DPYSL4: variants seen among roughly 807,000 people sequenced by gnomAD.
DPYSL4 encodes the protein dihydropyrimidinase-related protein 4.
A neutral mutation model predicts 63.4 loss-of-function variants in DPYSL4; 43 were observed. The observed-to-expected ratio is 0.68, with a 90% CI of 0.53 to 0.88. The LOEUF is 0.88. Ranked by LOEUF, DPYSL4 falls within the 40% of genes least tolerant of loss-of-function variation. The pLI, the probability that DPYSL4 is intolerant of heterozygous loss-of-function variation, is 0.00. For synonymous variants in DPYSL4, 353 were observed against 331.7 expected, an observed-to-expected ratio of 1.06 and a Z score of -0.70; for missense variants, 733 against 819.5, an observed-to-expected ratio of 0.89 and a Z score of 1.29.
chr10:132,187,529 C>T (rs986466286), intron 1 of DPYSL4, among the ~76,000 whole-genome samples: 4 of 152,114 alleles, frequency 2.6e-5, no homozygotes, highest in Non-Finnish European at 5.9e-5. Flanking sequence ...TTTGTTGGCC[C>T]GGGCTGGTCC....
At chr10:132,190,679 G>A in intron 1 of DPYSL4, 68 bp from the exon 2 acceptor site, 1 of 1,436,978 alleles carries the variant, frequency 7.0e-7, no homozygotes. Context: ...TCAGAGGAAG[G>A]AGTTGCACCA....
At chr10:132,198,754 G>A in intron 7 of DPYSL4, 97 bp from the exon 8 acceptor site, 1 of 1,538,692 alleles carries the variant, frequency 6.5e-7, no homozygotes, top group Non-Finnish European at 8.8e-7. Context: ...CCCTGAGCCT[G>A]GGATCCCATG....
intron 4 of DPYSL4, 51 bp from the exon 5 acceptor site, chr10:132,196,810 A>G: frequency 6.3e-7 from 1 of 1,599,826 alleles, no homozygotes; most frequent in Non-Finnish European, 8.6e-7. Context: ...GAGGCTCCGT[A>G]GGTTGTCTGA....
chr10:132,187,008 C>CCCCCCCCCCT lies in DPYSL4; in HGVS notation c.-56_-55insCCCCCCCCCT. On this transcript the variant is annotated 5_prime_UTR_variant, in exon 1 of 14. Transcript: ENST00000338492. ...CGGCTCACGCGTCCCCCCGCCCGCC[C>CCCCCCCCCCT]GCCCGCCCGCCCGCCCCCGCTTGTG... The CCCCCCCCCCT allele has an allele frequency of 7.5e-6, 1 of 133,028 alleles. No individual in the cohort carries two copies. Among genetic ancestry groups the CCCCCCCCCCT allele is most frequent in the Non-Finnish European group, 1.3e-5 (1 of 78,700 alleles). The allele number at this position is 133,028 out of a possible 1,614,324, so 8.2% of individuals were successfully genotyped here. A position where few individuals can be genotyped will look rare whatever the true frequency, so the allele number is the denominator to read the frequency against.
chr10:132,190,622 C>A, intron 1 of DPYSL4, 125 bp from the exon 2 acceptor site: 1 of 856,548 alleles, frequency 1.2e-6, no homozygotes, highest in Non-Finnish European at 1.8e-6. Flanking sequence ...GGCTTTTGTG[C>A]TCGTTTTTAC....
intron 1 of DPYSL4, among the ~76,000 whole-genome samples, chr10:132,187,706 G>C (rs1306712702): frequency 6.6e-6 from 1 of 152,228 alleles, no homozygotes; most frequent in African/African-American, 2.4e-5. Flanking sequence ...TGGGTTCAGC[G>C]ACTCCAAGGA....
chr10:132,204,739 T>C (rs996724719), intron 13 of DPYSL4, 100 bp from the exon 14 acceptor site: 10 of 1,067,744 alleles, frequency 9.4e-6, no homozygotes, highest in Non-Finnish European at 1.2e-5. Flanking sequence ...TCTGCAGTCC[T>C]GGCCCCACTG....
intron 11 of DPYSL4, among the ~76,000 whole-genome samples, 200 bp from the exon 12 acceptor site, chr10:132,202,446 T>G (rs1038701047): frequency 6.6e-6 from 1 of 152,210 alleles, no homozygotes; most frequent in Admixed American, 6.5e-5. Flanking sequence ...GAAACGGGAC[T>G]CAGAAACGAG....
chr10:132,201,691 A>G (rs1032463085), intron 10 of DPYSL4, among the ~76,000 whole-genome samples: 6 of 151,860 alleles, frequency 4.0e-5, no homozygotes, highest in African/African-American at 1.5e-4. Flanking sequence ...CCTGGGTGGC[A>G]CTCTAGTGCC....
chr10:132,187,820 C>G (rs996896270), intron 1 of DPYSL4, among the ~76,000 whole-genome samples: 3 of 152,202 alleles, frequency 2.0e-5, no homozygotes, highest in Non-Finnish European at 1.5e-5. Flanking sequence ...CGGGAGGTCC[C>G]GCTCTGCCAG....
At chr10:132,188,102 G>C (rs888542886) in intron 1 of DPYSL4, among the ~76,000 whole-genome samples, 1 of 152,208 alleles carries the variant, frequency 6.6e-6, no homozygotes, top group Non-Finnish European at 1.5e-5. Context: ...GCTGGGTCTG[G>C]TCTTGATGCA....
intron 4 of DPYSL4, 83 bp from the exon 5 acceptor site, chr10:132,196,778 C>A: frequency 2.0e-6 from 3 of 1,510,644 alleles, no homozygotes; most frequent in South Asian, 1.1e-5. Flanking sequence ...GACCCCCAAC[C>A]CTCCAGTGGG....
At chr10:132,203,691 CCCATCT>C in intron 12 of DPYSL4, 65 bp from the exon 13 acceptor site, 2 of 1,360,498 alleles carry the variant, frequency 1.5e-6, no homozygotes, top group South Asian at 2.9e-5. Flanking sequence ...CCCCTCATGC[CCCATCT>C]CTGGCCCCAC....
Position 132,205,075 on chromosome 10 carries a change from TCTCCTTGTGGGGTCCC to T in DPYSL4, c.*146_*161del. On this transcript the variant is annotated 3_prime_UTR_variant, in exon 14 of 14. Coordinates refer to ENST00000338492, the MANE Select transcript of DPYSL4 (RefSeq NM_006426.3). ...TCTTGCCTTCCCCCTCCCCACAGGC[TCTCCTTGTGGGGTCCC>T]AGGTCCTGCTGCCAAGAGCCCCTCA... The T allele has an allele frequency of 1.7e-6, 1 of 575,834 alleles. No individual in the cohort carries two copies. Among genetic ancestry groups the T allele is most frequent in the Non-Finnish European group, 2.9e-6 (1 of 346,220 alleles). 35.7% of individuals were successfully genotyped at this position (575,834 alleles called of 1,614,324 possible). A position where few individuals can be genotyped will look rare whatever the true frequency, so the allele number is the denominator to read the frequency against.
rs111250186 is a variant in DPYSL4 at position 132,203,702 on chromosome 10, C to T, written c.1462-60C>T. 2.9e-3 allele frequency: 4,163 copies of T among 1,426,262 alleles called. 101 individuals carry two copies. In the African/African-American group the frequency reaches 0.048, roughly 16 times the overall value. 88.4% of individuals were successfully genotyped at this position (1,426,262 alleles called of 1,614,324 possible). On this transcript the variant is annotated intron_variant, in intron 12 of 13. Coordinates refer to ENST00000338492, the MANE Select transcript of DPYSL4 (RefSeq NM_006426.3). ...TCAGCCCCTCATGCCCCATCTCTGGCCCCACAGCTGCCCAGGCTCAGCCCC... is the reference window on the plus strand; with the variant it reads ...TCAGCCCCTCATGCCCCATCTCTGGTCCCACAGCTGCCCAGGCTCAGCCCC...
chr10:132,201,177 A>C (rs1248053557), intron 10 of DPYSL4, among the ~76,000 whole-genome samples, 194 bp downstream of exon 10: 1 of 152,132 alleles, frequency 6.6e-6, no homozygotes, highest in African/African-American at 2.4e-5. Flanking sequence ...ATGAGACTCC[A>C]ACAGCAACAG....
At position 132,201,927 on chromosome 10, in the gene DPYSL4, C is replaced by T; in HGVS notation, c.1111-19C>T. ...CCAACCCCACCCGTCGCCCTCAGCT[C>T]AGCCTTCTTGTTCCCCAGGCCTCTG... is the stretch of plus-strand genomic sequence containing the variant. On this transcript the variant is annotated intron_variant, in intron 10 of 13. Coordinates refer to ENST00000338492, the MANE Select transcript of DPYSL4 (RefSeq NM_006426.3). The T allele has an allele frequency of 6.2e-7, 1 of 1,604,936 alleles. No individual in the cohort carries two copies. Among genetic ancestry groups the T allele is most frequent in the Admixed American group, 1.7e-5 (1 of 59,606 alleles).
Position 132,204,943 on chromosome 10 carries a change from G to C in DPYSL4, c.*13G>C, listed in dbSNP as rs755864351. 8.7e-6 allele frequency: 14 copies of C among 1,602,764 alleles called. No homozygotes were observed. Among genetic ancestry groups the C allele is most frequent in the African/African-American group, 2.7e-5 (2 of 74,766 alleles). ...CTCTCTCTCCTAGACGCCCAGGACCGGCCCTGTGAGCCGTGCTGGCCCCAC... is the reference window on the plus strand; with the variant it reads ...CTCTCTCTCCTAGACGCCCAGGACCCGCCCTGTGAGCCGTGCTGGCCCCAC... On this transcript the variant is annotated 3_prime_UTR_variant, in exon 14 of 14. Transcript: ENST00000338492.
chr10:132,203,431 C>T (rs1331526870), intron 12 of DPYSL4: 2 of 384,556 alleles, frequency 5.2e-6, no homozygotes, highest in African/African-American at 2.0e-5. Context: ...TCTGTGCACA[C>T]ACAAGTGCAC....
Sources: allele counts gnomAD v4.1 joint callset (sites outside exome capture counted in the v4.1 genomes callset), GRCh38; gene constraint gnomAD v4.1.1; transcripts MANE v1.5; gene names NCBI Gene and HGNC (gene_info 2026-07-23, HGNC 2026-07-21).